Variants in PLXNA4 observed in about 807,000 individuals in gnomAD.
PLXNA4 encodes plexin-A4.
In PLXNA4, 44 loss-of-function variants were observed where a neutral mutation model predicts 191.8. The observed-to-expected ratio is 0.23, with a 90% CI of 0.18 to 0.29. PLXNA4 has a LOEUF of 0.29. Among genes scored for constraint, PLXNA4 ranks in the 10% least tolerant of loss-of-function variants. The pLI is 1.00. For synonymous variants in PLXNA4, 1,082 were observed against 1,009.5 expected (o/e 1.07, Z -1.36); for missense variants, 1,800 against 2,488.8 (o/e 0.72, Z 5.89).
In PLXNA4 at chr7:132,338,565, C is replaced by T. The variant is rs544912829; in HGVS notation, c.1372-40343G>A. 2.1e-4 allele frequency among the ~76,000 whole-genome samples: 32 copies of T among 152,354 alleles called. No homozygotes were observed. In the Middle Eastern group the frequency reaches 0.01, roughly 49 times the overall value. ...AGTGCAGTAATTACTCAGATATTTA[C>T]ACAGTGATTAACATTTTCACCCTTC... On this transcript the variant is annotated intron_variant, in intron 3 of 31. Coordinates refer to ENST00000321063, the MANE Select transcript of PLXNA4 (RefSeq NM_020911.2).
intron 19 of PLXNA4, 53 bp from the exon 20 acceptor site, chr7:132,179,974 G>T: frequency 1.3e-6 from 2 of 1,539,458 alleles, no homozygotes; most frequent in Non-Finnish European, 8.8e-7. Context: ...AGCAGCTTTG[G>T]CAACAGTCCC....
intron 30 of PLXNA4, among the ~76,000 whole-genome samples, chr7:132,133,942 A>ATGAC (rs1200656733): frequency 6.6e-6 from 1 of 152,148 alleles, no homozygotes; most frequent in African/African-American, 2.4e-5. Context: ...GGTAACTGCA[A>ATGAC]TGACAGGAGG....
chr7:132,386,061 G>A (rs1268369806), intron 3 of PLXNA4, among the ~76,000 whole-genome samples: 1 of 152,172 alleles, frequency 6.6e-6, no homozygotes, highest in East Asian at 1.9e-4. Flanking sequence ...CCATAGAGCA[G>A]CGATCTTTGA....
At chr7:132,308,747 C>T (rs1267221208) in intron 3 of PLXNA4, among the ~76,000 whole-genome samples, 2 of 152,098 alleles carry the variant, frequency 1.3e-5, no homozygotes, top group Admixed American at 1.3e-4. Context: ...ATGATAATGT[C>T]CCAAGCATGG....
chr7:132,522,622 A>G (rs1216721218), intron 1 of PLXNA4, among the ~76,000 whole-genome samples: 1 of 152,186 alleles, frequency 6.6e-6, no homozygotes, highest in Non-Finnish European at 1.5e-5. Flanking sequence ...AAATACAAAA[A>G]TTAGCCAGGC....
chr7:132,151,718 G>A (rs530291466), intron 25 of PLXNA4, among the ~76,000 whole-genome samples: 4 of 152,214 alleles, frequency 2.6e-5, no homozygotes, highest in African/African-American at 9.6e-5. Context: ...ATGAAAGAGA[G>A]CCCAGACTGA....
At chr7:132,491,348 G>A (rs1035742184) in intron 2 of PLXNA4, among the ~76,000 whole-genome samples, 5 of 152,206 alleles carry the variant, frequency 3.3e-5, no homozygotes, top group South Asian at 2.1e-4. Flanking sequence ...GGCCACAGGC[G>A]TTCACCTGGC....
chr7:132,147,868 A>G (rs1450882), intron 27 of PLXNA4, 32 bp downstream of exon 27: 1,597,314 of 1,613,480 alleles, frequency 0.99, 790,679 homozygotes, highest in East Asian at 1. Flanking sequence ...CAGGACACCC[A>G]GGCCTCCCTA....
At chr7:132,435,854 G>A (rs375462761) in intron 3 of PLXNA4, among the ~76,000 whole-genome samples, 1 of 152,164 alleles carries the variant, frequency 6.6e-6, no homozygotes, top group East Asian at 1.9e-4. Flanking sequence ...GTAGTCCAAG[G>A]ATAACCCCTG....
At chr7:132,545,174 T>A (rs1455557369) in intron 1 of PLXNA4, among the ~76,000 whole-genome samples, 1 of 152,234 alleles carries the variant, frequency 6.6e-6, no homozygotes, top group African/African-American at 2.4e-5. Context: ...GCTCCTATTG[T>A]CTGCCCCAAG....
At chr7:132,179,529 G>A (rs987796883) in intron 20 of PLXNA4, among the ~76,000 whole-genome samples, 158 bp downstream of exon 20, 3 of 130,290 alleles carry the variant, frequency 2.3e-5, no homozygotes, top group East Asian at 2.4e-4. Context: ...ACACACATTC[G>A]CACAGACACA....
chr7:132,264,996 G>C (rs1297461127), intron 4 of PLXNA4, among the ~76,000 whole-genome samples: 1 of 152,146 alleles, frequency 6.6e-6, no homozygotes. Flanking sequence ...ACCCAGCCCT[G>C]TCTGTCCCTT....
chr7:132,594,222 CTT>C (rs1348146847), intron 2 of PLXNA4, among the ~76,000 whole-genome samples: 1 of 152,164 alleles, frequency 6.6e-6, no homozygotes, highest in Non-Finnish European at 1.5e-5. Flanking sequence ...TGACCGGTGT[CTT>C]TATAAAAAGG....
intron 4 of PLXNA4, among the ~76,000 whole-genome samples, chr7:132,262,385 G>A (rs1356013234): frequency 6.6e-6 from 1 of 152,184 alleles, no homozygotes; most frequent in African/African-American, 2.4e-5. Flanking sequence ...GAGCCCAGAT[G>A]CTCTGAAACA....
intron 22 of PLXNA4, among the ~76,000 whole-genome samples, chr7:132,167,748 T>C (rs1796163647): frequency 6.6e-6 from 1 of 152,190 alleles, no homozygotes; most frequent in African/African-American, 2.4e-5. Context: ...TGTTGCCTGC[T>C]ATGTTGTCCA....
intron 31 of PLXNA4, among the ~76,000 whole-genome samples, chr7:132,132,615 T>G (rs1795001855): frequency 6.6e-6 from 1 of 151,766 alleles, no homozygotes; most frequent in Non-Finnish European, 1.5e-5. Context: ...TTGACTCACT[T>G]CTGTTTCATT....
chr7:132,326,901 G>C (rs1164518004), intron 3 of PLXNA4, among the ~76,000 whole-genome samples: 2 of 151,736 alleles, frequency 1.3e-5, no homozygotes, highest in Non-Finnish European at 2.9e-5. Context: ...GTGGCAGGAA[G>C]GGAATGGGGA....
At chr7:132,568,263 A>G (rs77499424) in intron 1 of PLXNA4, among the ~76,000 whole-genome samples, 5,809 of 152,284 alleles carry the variant, frequency 0.038, 259 homozygotes, top group African/African-American at 0.1. Flanking sequence ...CCATCCCTGA[A>G]ATAGTCACAC....
intron 4 of PLXNA4, among the ~76,000 whole-genome samples, chr7:132,287,952 C>T (rs1404415947): frequency 6.6e-6 from 1 of 152,240 alleles, no homozygotes; most frequent in African/African-American, 2.4e-5. Context: ...TCCCCAGAGA[C>T]TCCTTCTGCC....
Sources: gnomAD v4.1 joint callset for allele counts (sites outside exome capture counted in the v4.1 genomes callset) on GRCh38, gnomAD v4.1.1 for gene constraint, MANE v1.5 for transcripts, NCBI Gene and HGNC (gene_info 2026-07-23, HGNC 2026-07-21) for gene names.